SPOCK1: variants seen among roughly 807,000 people sequenced by gnomAD.
SPOCK1 encodes the protein SPARC (osteonectin), cwcv and kazal like domains proteoglycan 1.
A neutral mutation model predicts 55.3 loss-of-function variants in SPOCK1; 23 were observed. That is an observed-to-expected ratio of 0.42 (90% CI 0.30 to 0.59). The LOEUF (loss-of-function observed/expected upper bound fraction) is 0.59, where lower values mean the gene tolerates loss of function less well. Ranked by LOEUF, SPOCK1 falls within the 20% of genes least tolerant of loss-of-function variation. SPOCK1 has a pLI of 0.22. For synonymous variants in SPOCK1, 226 were observed against 221.0 expected (o/e 1.02, Z -0.20); for missense variants, 499 against 552.5 (o/e 0.90, Z 0.97).
At chr5:136,982,522 T>C (rs1750752284) in intron 9 of SPOCK1, among the ~76,000 whole-genome samples, 1 of 152,214 alleles carries the variant, frequency 6.6e-6, no homozygotes, top group Admixed American at 6.5e-5. Context: ...GTTTAAAACA[T>C]ATATTCTAAT....
intron 3 of SPOCK1, among the ~76,000 whole-genome samples, chr5:137,215,041 C>T (rs1416779863): frequency 6.6e-6 from 1 of 152,158 alleles, no homozygotes; most frequent in African/African-American, 2.4e-5. Flanking sequence ...TAAAGTCTTG[C>T]CCACAAAAGA....
intron 6 of SPOCK1, among the ~76,000 whole-genome samples, chr5:137,060,526 C>T (rs1484015663): frequency 6.6e-6 from 1 of 152,156 alleles, no homozygotes; most frequent in African/African-American, 2.4e-5. Context: ...ATGAAATAAT[C>T]TGTACACCAA....
intron 2 of SPOCK1, among the ~76,000 whole-genome samples, chr5:137,315,551 C>T (rs1757863938): frequency 6.6e-6 from 1 of 152,320 alleles, no homozygotes. Context: ...AGAAAGGAGA[C>T]CTCCATGCCA....
chr5:137,151,049 G>T lies in SPOCK1; in HGVS notation c.233-10355C>A, dbSNP rs1424151390. Among the ~76,000 whole-genome samples, 3 of 152,300 alleles carry T rather than the reference G, an allele frequency of 2.0e-5. No homozygotes were observed. The East Asian group carries it at 5.8e-4, about 29-fold the overall frequency. ...AATCCAATCTAATCCTTGCTTCTCAGACTATATGGTAGGCCAAGGAGAATG... is the reference window on the plus strand; with the variant it reads ...AATCCAATCTAATCCTTGCTTCTCATACTATATGGTAGGCCAAGGAGAATG... On this transcript the variant is annotated intron_variant, in intron 3 of 10. Transcript: ENST00000394945.
chr5:136,978,297 A>G lies in SPOCK1; in HGVS notation c.*357T>C. 1 of 309,230 alleles carries G rather than the reference A, an allele frequency of 3.2e-6. No individual in the cohort carries two copies. The allele number at this position is 309,230 out of a possible 1,614,324, so 19.2% of individuals were successfully genotyped here. On this transcript the variant is annotated 3_prime_UTR_variant, in exon 11 of 11. Transcript: ENST00000394945. Reference sequence around the variant, plus strand: ...TAATAACCACCAGTGTGGGTAATCAAAAAGGGTCTTTGACATTTAAGAGGG... The same window carrying G: ...TAATAACCACCAGTGTGGGTAATCAGAAAGGGTCTTTGACATTTAAGAGGG...
chr5:137,211,199 A>G (rs1317516744), intron 3 of SPOCK1, among the ~76,000 whole-genome samples: 2 of 152,216 alleles, frequency 1.3e-5, no homozygotes, highest in East Asian at 3.8e-4. Context: ...AGCTCCTACT[A>G]TCCTGGATCC....
intron 3 of SPOCK1, among the ~76,000 whole-genome samples, chr5:137,154,196 A>G (rs755776357): frequency 5.5e-4 from 83 of 152,194 alleles, no homozygotes; most frequent in Non-Finnish European, 1.1e-3. Flanking sequence ...CTGAGGCAGG[A>G]GAATCACTTG....
intron 6 of SPOCK1, among the ~76,000 whole-genome samples, chr5:137,026,285 T>C (rs1322915801): frequency 6.6e-6 from 1 of 152,218 alleles, no homozygotes; most frequent in East Asian, 1.9e-4. Flanking sequence ...AGTATCCAGA[T>C]GGTAAGTCAA....
chr5:137,221,963 T>C (rs1434895005), intron 3 of SPOCK1, among the ~76,000 whole-genome samples: 1 of 152,180 alleles, frequency 6.6e-6, no homozygotes, highest in Non-Finnish European at 1.5e-5. Context: ...GAGAAAGCCT[T>C]GATCAGACTC....
At chr5:137,388,135 G>T (rs1751635576) in intron 2 of SPOCK1, among the ~76,000 whole-genome samples, 1 of 151,128 alleles carries the variant, frequency 6.6e-6, no homozygotes, top group Non-Finnish European at 1.5e-5. Flanking sequence ...CAATTTGTCA[G>T]ATGGCACAGA....
intron 2 of SPOCK1, among the ~76,000 whole-genome samples, chr5:137,378,394 T>C (rs1018941172): frequency 1.3e-5 from 2 of 152,220 alleles, no homozygotes; most frequent in Non-Finnish European, 2.9e-5. Flanking sequence ...GGGATACAGG[T>C]AGGACAGGCA....
chr5:137,008,453 C>T (rs1751293276), intron 6 of SPOCK1, among the ~76,000 whole-genome samples: 1 of 152,064 alleles, frequency 6.6e-6, no homozygotes, highest in South Asian at 2.1e-4. Context: ...ATCCTTAAAA[C>T]AGCCAAGAAA....
At chr5:137,030,005 G>A (rs1163018946) in intron 6 of SPOCK1, among the ~76,000 whole-genome samples, 2 of 152,232 alleles carry the variant, frequency 1.3e-5, no homozygotes, top group Non-Finnish European at 2.9e-5. Context: ...GCTATTTCAT[G>A]AAAGCATGAG....
intron 2 of SPOCK1, among the ~76,000 whole-genome samples, chr5:137,285,186 T>C (rs148341427): frequency 2.0e-5 from 3 of 152,322 alleles, no homozygotes; most frequent in Non-Finnish European, 2.9e-5. Flanking sequence ...TAAAATTAGA[T>C]GCAAATTTGA....
intron 2 of SPOCK1, among the ~76,000 whole-genome samples, chr5:137,412,600 G>T (rs1214297118): frequency 6.6e-6 from 1 of 152,204 alleles, no homozygotes; most frequent in East Asian, 1.9e-4. Flanking sequence ...CCCACTCAGA[G>T]CTCCTGAAGC....
chr5:137,086,567 GC>G (rs1752965280), intron 5 of SPOCK1, among the ~76,000 whole-genome samples: 1 of 152,194 alleles, frequency 6.6e-6, no homozygotes, highest in Admixed American at 6.5e-5. Context: ...TCGGGAGGTG[GC>G]TGGCTGGGGT....
chr5:137,129,358 C>T (rs749423850), intron 4 of SPOCK1, among the ~76,000 whole-genome samples: 12 of 152,088 alleles, frequency 7.9e-5, no homozygotes, highest in South Asian at 6.2e-4. Flanking sequence ...TCTTCTTGCC[C>T]GCTACACAGA....
chr5:137,031,645 A>G (rs1751781593), intron 6 of SPOCK1, among the ~76,000 whole-genome samples: 1 of 152,152 alleles, frequency 6.6e-6, no homozygotes, highest in Non-Finnish European at 1.5e-5. Context: ...CCATTTTAAC[A>G]CATTCCTTCT....
At chr5:137,362,620 G>A (rs984142248) in intron 2 of SPOCK1, among the ~76,000 whole-genome samples, 14 of 152,192 alleles carry the variant, frequency 9.2e-5, no homozygotes, top group South Asian at 2.1e-4. Context: ...GAGCCACCGC[G>A]CCCGGCCAGC....
Sources: gnomAD v4.1 joint callset for allele counts (sites outside exome capture counted in the v4.1 genomes callset) on GRCh38, gnomAD v4.1.1 for gene constraint, MANE v1.5 for transcripts, NCBI Gene and HGNC (gene_info 2026-07-23, HGNC 2026-07-21) for gene names.